The following RETREG1 variants were observed in gnomAD, a reference collection of about 807,000 sequenced individuals.
The protein encoded by RETREG1 is reticulophagy regulator 1.
In RETREG1, 44 loss-of-function variants were observed where a neutral mutation model predicts 54.8. The ratio of observed to expected loss-of-function variants is 0.80; its 90% CI spans 0.63 to 1.03. The LOEUF is 1.03. Among genes scored for constraint, RETREG1 ranks in the 50% least tolerant of loss-of-function variants. The pLI is 0.00. For synonymous variants in RETREG1, 217 were observed against 238.5 expected (o/e 0.91, Z 0.83); for missense variants, 554 against 605.1 (o/e 0.92, Z 0.89).
At chr5:16,521,535 A>C (rs1415922400) in intron 3 of RETREG1, among the ~76,000 whole-genome samples, 1 of 152,218 alleles carries the variant, frequency 6.6e-6, no homozygotes, top group African/African-American at 2.4e-5. Context: ...GCTCTGGCTC[A>C]AGTCTCACTG....
At chr5:16,492,954 G>A (rs1375843341) in intron 3 of RETREG1, among the ~76,000 whole-genome samples, 1 of 152,144 alleles carries the variant, frequency 6.6e-6, no homozygotes, top group East Asian at 1.9e-4. Flanking sequence ...AGGCCAATTA[G>A]CCACGTGAGC....
chr5:16,541,284 C>A (rs1032169989), intron 3 of RETREG1, among the ~76,000 whole-genome samples: 2 of 152,174 alleles, frequency 1.3e-5, no homozygotes, highest in Non-Finnish European at 2.9e-5. Flanking sequence ...CAATAAATTT[C>A]CATTGTTTGT....
At chr5:16,615,168 C>CG in intron 1 of RETREG1, among the ~76,000 whole-genome samples, 1 of 152,032 alleles carries the variant, frequency 6.6e-6, no homozygotes, top group South Asian at 2.1e-4. Flanking sequence ...GAGGCCGAGG[C>CG]GGACGGATCA....
chr5:16,480,036 C>T (rs1738698942), intron 5 of RETREG1, among the ~76,000 whole-genome samples: 2 of 151,878 alleles, frequency 1.3e-5, no homozygotes. Context: ...TTGACATATG[C>T]ATACAACTAA....
chr5:16,519,651 C>A lies in RETREG1; in HGVS notation c.459-36179G>T, dbSNP rs181055579. Among the ~76,000 whole-genome samples the A allele has an allele frequency of 6.6e-5, 10 of 152,302 alleles. No homozygotes were observed. In the East Asian group the frequency reaches 1.9e-3, roughly 29 times the overall value. ...ACCCTGAGCCTCTGAAGCTTCCCTG[C>A]CCCTGAGCTCTCCTGTGGACCGCCT... On this transcript the variant is annotated intron_variant, in intron 3 of 8. Transcript: ENST00000306320.
intron 3 of RETREG1, among the ~76,000 whole-genome samples, chr5:16,565,346 C>T (rs1224147817): frequency 1.3e-5 from 2 of 152,192 alleles, no homozygotes; most frequent in African/African-American, 2.4e-5. Context: ...ACCCCACAGT[C>T]CTCTGAACTG....
chr5:16,522,199 C>T (rs1007567843), intron 3 of RETREG1, among the ~76,000 whole-genome samples: 1 of 151,964 alleles, frequency 6.6e-6, no homozygotes, highest in Non-Finnish European at 1.5e-5. Flanking sequence ...CTGAGCAACA[C>T]CCTGATCTTG....
At chr5:16,540,113 C>T (rs556037795) in intron 3 of RETREG1, among the ~76,000 whole-genome samples, 6 of 152,296 alleles carry the variant, frequency 3.9e-5, no homozygotes, top group Admixed American at 3.9e-4. Context: ...AAAAGCAGTA[C>T]TTTTGGAACC....
At chr5:16,608,304 C>A (rs762465020) in intron 1 of RETREG1, among the ~76,000 whole-genome samples, 6 of 152,074 alleles carry the variant, frequency 3.9e-5, no homozygotes, top group African/African-American at 7.2e-5. Context: ...ATCCGGCAAC[C>A]CAAGATTAAT....
intron 1 of RETREG1, among the ~76,000 whole-genome samples, chr5:16,574,216 G>A (rs1196747152): frequency 6.6e-6 from 1 of 152,072 alleles, no homozygotes; most frequent in Non-Finnish European, 1.5e-5. Context: ...TCAGCAGGAA[G>A]AGAAAGCAAA....
At chr5:16,520,418 C>T (rs1333060805) in intron 3 of RETREG1, among the ~76,000 whole-genome samples, 2 of 152,146 alleles carry the variant, frequency 1.3e-5, no homozygotes, top group African/African-American at 4.8e-5. Context: ...CAACCTCCGT[C>T]TCCCGCGTTC....
intron 3 of RETREG1, among the ~76,000 whole-genome samples, chr5:16,546,998 C>G (rs573739739): frequency 8.5e-5 from 13 of 152,364 alleles, no homozygotes; most frequent in Non-Finnish European, 1.3e-4. Flanking sequence ...TACCACCTCT[C>G]TGATATCAGA....
rs1204022303 is a variant in RETREG1, at chr5:16,561,831, G to C, written c.458+3932C>G. ...AGGGTTGTGGGTGCAAGAAAGAAGG[G>C]GAGAAAATACCTTGACCAGTCAAAC... is the stretch of plus-strand genomic sequence containing the variant. On this transcript the variant is annotated intron_variant, in intron 3 of 8. Coordinates refer to ENST00000306320, the MANE Select transcript of RETREG1 (RefSeq NM_001034850.3). This position sits in a 1 kb window ranked among gnomAD's most constrained non-coding sequence, Gnocchi z 4.2. Among the ~76,000 whole-genome samples the C allele has an allele frequency of 6.6e-6, 1 of 152,176 alleles. No individual in the cohort carries two copies. Among genetic ancestry groups the C allele is most frequent in the Non-Finnish European group, 1.5e-5 (1 of 68,040 alleles).
chr5:16,553,704 G>A (rs552978010), intron 3 of RETREG1, among the ~76,000 whole-genome samples: 10 of 152,152 alleles, frequency 6.6e-5, no homozygotes, highest in East Asian at 3.9e-4. Flanking sequence ...CGGGGTGGGC[G>A]GGGGAGCAAC....
chr5:16,616,885 C>A lies in RETREG1; in HGVS notation c.87G>T (p.Pro29=), dbSNP rs1028458629. Residue 29 remains proline (P), a synonymous_variant, in exon 1 of 9, where the codon CCG becomes CCT. Coordinates refer to ENST00000306320, the MANE Select transcript of RETREG1 (RefSeq NM_001034850.3). ...AEEQAPPSPP[P]PQASPAERQQ... ...GCCGCTCTGCGGGGGATGCCTGGGGCGGTGGCGGCGACGGCGGCGCCTGCT... is the reference window on the plus strand; with the variant it reads ...GCCGCTCTGCGGGGGATGCCTGGGGAGGTGGCGGCGACGGCGGCGCCTGCT... The A allele has an allele frequency of 1.0e-5, 15 of 1,485,008 alleles. No individual in the cohort carries two copies. In the Admixed American group the frequency reaches 1.8e-4, roughly 18 times the overall value. The allele number at this position is 1,485,008 out of a possible 1,614,324, so 92.0% of individuals were successfully genotyped here. A position where few individuals can be genotyped will look rare whatever the true frequency, so the allele number is the denominator to read the frequency against.
At chr5:16,565,157 C>T (rs980267593) in intron 3 of RETREG1, among the ~76,000 whole-genome samples, 2 of 152,172 alleles carry the variant, frequency 1.3e-5, no homozygotes, top group African/African-American at 4.8e-5. Flanking sequence ...AATCAACTGC[C>T]CCAGCCCTTT....
At chr5:16,508,745 C>T in intron 3 of RETREG1, 2 of 1,518,728 alleles carry the variant, frequency 1.3e-6, no homozygotes, top group Non-Finnish European at 1.8e-6. Context: ...TAGAGACGTT[C>T]TTTCCTTTTT....
intron 3 of RETREG1, among the ~76,000 whole-genome samples, chr5:16,524,776 T>G (rs1005794984): frequency 1.3e-5 from 2 of 152,118 alleles, no homozygotes; most frequent in Non-Finnish European, 2.9e-5. Context: ...AAAAGTTAAG[T>G]GAAGAGGAAG....
intron 3 of RETREG1, among the ~76,000 whole-genome samples, chr5:16,549,051 C>G (rs1313850711): frequency 6.6e-6 from 1 of 152,170 alleles, no homozygotes; most frequent in East Asian, 1.9e-4. Flanking sequence ...CTGGCCTCAC[C>G]CTATTTCTCA....
Sources: allele counts gnomAD v4.1 joint callset (sites outside exome capture counted in the v4.1 genomes callset), GRCh38; gene constraint gnomAD v4.1.1; non-coding constraint Gnocchi (gnomAD v3.1); transcripts MANE v1.5; gene names NCBI Gene and HGNC (gene_info 2026-07-23, HGNC 2026-07-21).